Variants in GPC6 observed in about 807,000 individuals in gnomAD.
The protein encoded by GPC6 is glypican 6.
A neutral mutation model predicts 55.2 loss-of-function variants in GPC6; 14 were observed. That is an observed-to-expected ratio of 0.25 (90% CI 0.17 to 0.40). The LOEUF is 0.40. Among genes scored for constraint, GPC6 ranks in the 10% least tolerant of loss-of-function variants. The pLI is 1.00. For missense variants in GPC6, 641 were observed against 708.5 expected (o/e 0.90, Z 1.08); for synonymous variants, 278 against 259.6 (o/e 1.07, Z -0.68).
chr13:93,876,971 T>C (rs538749724), intron 3 of GPC6, among the ~76,000 whole-genome samples: 10 of 152,166 alleles, frequency 6.6e-5, no homozygotes, highest in Admixed American at 2.6e-4. Flanking sequence ...TCTAAACTGT[T>C]GGTATATTTG....
rs188051651 is a variant in GPC6, at chr13:93,859,289, A to T, written c.711+28744A>T. ...ATTTTCTTTAGGGAATTTCTTAGTG[A>T]TGTGTCTAATTGTTCTTTCATTTTC... is the stretch of plus-strand genomic sequence containing the variant. On this transcript the variant is annotated intron_variant, in intron 3 of 8. Transcript: ENST00000377047. Among the ~76,000 whole-genome samples, 319 of 151,754 alleles carry T rather than the reference A, an allele frequency of 2.1e-3. 4 individuals are homozygous for T. The highest frequency in any genetic ancestry group is 0.013 in the South Asian group (64 of 4,824).
intron 3 of GPC6, among the ~76,000 whole-genome samples, chr13:93,920,684 C>T (rs1158135871): frequency 6.6e-6 from 1 of 152,158 alleles, no homozygotes; most frequent in African/African-American, 2.4e-5. Flanking sequence ...ACTTACTAAT[C>T]CTCCTTCGTC....
chr13:93,646,871 C>CA (rs1005617848), intron 2 of GPC6, among the ~76,000 whole-genome samples: 20 of 142,596 alleles, frequency 1.4e-4, no homozygotes, highest in Admixed American at 5.6e-4. Context: ...AAAAAAAAAA[C>CA]AAAAAAAACA....
At chr13:94,312,384 C>A (rs1472617712) in intron 6 of GPC6, among the ~76,000 whole-genome samples, 1 of 152,156 alleles carries the variant, frequency 6.6e-6, no homozygotes, top group Non-Finnish European at 1.5e-5. Flanking sequence ...TTATTTCCTG[C>A]CTGATGGTTA....
intron 2 of GPC6, among the ~76,000 whole-genome samples, chr13:93,604,930 T>C (rs954468471): frequency 6.6e-6 from 1 of 152,170 alleles, no homozygotes; most frequent in Non-Finnish European, 1.5e-5. Flanking sequence ...CAGTGAGGTT[T>C]TGTAAATTCA....
chr13:93,368,074 T>C (rs1881311344), intron 1 of GPC6, among the ~76,000 whole-genome samples: 1 of 152,152 alleles, frequency 6.6e-6, no homozygotes, highest in Non-Finnish European at 1.5e-5. Context: ...TCCCATTCTA[T>C]TGTCCTTTTG....
rs771182029 is a variant in GPC6 at position 94,306,118 on chromosome 13, C to T, written c.1147C>T (p.Arg383Trp). 20 of 1,613,978 alleles carry T rather than the reference C, an allele frequency of 1.2e-5. No individual in the cohort carries two copies. Among genetic ancestry groups the T allele is most frequent in the Admixed American group, 8.3e-5 (5 of 59,998 alleles). Residue 383 changes from arginine to tryptophan, a missense_variant, in exon 6 of 9, where the codon CGG becomes TGG. Coordinates refer to ENST00000377047, the MANE Select transcript of GPC6 (RefSeq NM_005708.5). ...PTTAAGTSLD[R>W]LVTDIKEKLK... ...AACTGCTGCAGGCACAAGCTTGGAC[C>T]GGCTGGTGAGTATTCACAGATTGAT...
At chr13:93,459,501 G>A (rs979402579) in intron 1 of GPC6, among the ~76,000 whole-genome samples, 5 of 152,122 alleles carry the variant, frequency 3.3e-5, no homozygotes, top group African/African-American at 1.2e-4. Context: ...TTCATTGGTG[G>A]TCTAAATGAA....
At chr13:94,346,348 T>C (rs1878288548) in intron 6 of GPC6, among the ~76,000 whole-genome samples, 1 of 152,210 alleles carries the variant, frequency 6.6e-6, no homozygotes, top group African/African-American at 2.4e-5. Context: ...CTGCGCTATG[T>C]AAGATTCCTC....
chr13:93,568,376 A>G (rs1477154220), intron 2 of GPC6, among the ~76,000 whole-genome samples: 2 of 152,218 alleles, frequency 1.3e-5, no homozygotes, highest in Non-Finnish European at 2.9e-5. Flanking sequence ...TTTGATGAGC[A>G]GAGTACATGC....
intron 6 of GPC6, among the ~76,000 whole-genome samples, chr13:94,337,272 C>A (rs1462651901): frequency 2.0e-5 from 3 of 152,124 alleles, no homozygotes; most frequent in Admixed American, 6.5e-5. Flanking sequence ...ATATTCTCAT[C>A]TGTAGGATGC....
chr13:93,959,050 A>AT (rs1344270876), intron 3 of GPC6, among the ~76,000 whole-genome samples: 2 of 152,096 alleles, frequency 1.3e-5, no homozygotes, highest in Non-Finnish European at 2.9e-5. Flanking sequence ...TACTGAAATT[A>AT]TTTATCAGTT....
intron 1 of GPC6, among the ~76,000 whole-genome samples, chr13:93,356,300 T>A (rs1488490785): frequency 6.6e-6 from 1 of 152,198 alleles, no homozygotes; most frequent in Non-Finnish European, 1.5e-5. Flanking sequence ...ACACTTATTT[T>A]GTCTCCAGTA....
rs149928561 is a variant in GPC6, at chr13:93,691,329, G to C, written c.320-138825G>C. Among the ~76,000 whole-genome samples the C allele has an allele frequency of 4.9e-3, 751 of 152,156 alleles. 6 individuals carry two copies. Among genetic ancestry groups the C allele is most frequent in the African/African-American group, 0.017 (691 of 41,558 alleles). On this transcript the variant is annotated intron_variant, in intron 2 of 8. Transcript: ENST00000377047. ...TTTGTGCATCAACCTTTGGGCAGTT[G>C]AGAAATTATTGGTTGGTTATGCTCA... is the stretch of plus-strand genomic sequence containing the variant.
chr13:93,509,959 A>T (rs1468902252), intron 1 of GPC6, among the ~76,000 whole-genome samples: 1 of 152,198 alleles, frequency 6.6e-6, no homozygotes, highest in African/African-American at 2.4e-5. Context: ...TTTTCTGTTG[A>T]ATCATAAATT....
At chr13:93,571,753 C>T (rs1876417326) in intron 2 of GPC6, among the ~76,000 whole-genome samples, 1 of 152,102 alleles carries the variant, frequency 6.6e-6, no homozygotes, top group African/African-American at 2.4e-5. Flanking sequence ...CACAGTTTTT[C>T]ACTGCCTTTG....
intron 2 of GPC6, among the ~76,000 whole-genome samples, chr13:93,583,423 A>ATT (rs11423807): frequency 1.3e-4 from 20 of 151,612 alleles, no homozygotes; most frequent in African/African-American, 2.9e-4. Flanking sequence ...CTTTTATTTT[A>ATT]TTTTTTTTCT....
At chr13:94,139,234 G>A (rs1377331020) in intron 4 of GPC6, among the ~76,000 whole-genome samples, 3 of 152,078 alleles carry the variant, frequency 2.0e-5, no homozygotes, top group Admixed American at 6.6e-5. Flanking sequence ...ATGGTATTTT[G>A]TTTGGGTGAT....
intron 4 of GPC6, among the ~76,000 whole-genome samples, chr13:94,274,181 G>C (rs1892130585): frequency 6.6e-6 from 1 of 152,180 alleles, no homozygotes; most frequent in African/African-American, 2.4e-5. Context: ...CACTGTGTGA[G>C]GACTACTGGT....
Sources: gnomAD v4.1 joint callset for allele counts (sites outside exome capture counted in the v4.1 genomes callset) on GRCh38, gnomAD v4.1.1 for gene constraint, MANE v1.5 for transcripts, NCBI Gene and HGNC (gene_info 2026-07-23, HGNC 2026-07-21) for gene names.